DPP10: variants seen among roughly 807,000 people sequenced by gnomAD.
DPP10 encodes dipeptidyl peptidase like 10.
Under a neutral mutation model 120.9 loss-of-function variants are expected in DPP10, and 33 were observed. That is an observed-to-expected ratio of 0.27 (90% CI 0.21 to 0.37). The LOEUF is 0.37. Ranked by LOEUF, DPP10 falls within the 10% of genes least tolerant of loss-of-function variation. The pLI, the probability that DPP10 is intolerant of heterozygous loss-of-function variation, is 1.00. For synonymous variants in DPP10, 337 were observed against 326.1 expected, an observed-to-expected ratio of 1.03 and a Z score of -0.36; for missense variants, 816 against 942.8, an observed-to-expected ratio of 0.87 and a Z score of 1.76.
intron 1 of DPP10, among the ~76,000 whole-genome samples, chr2:114,668,691 G>A (rs893361762): frequency 1.3e-5 from 2 of 151,974 alleles, no homozygotes; most frequent in Non-Finnish European, 2.9e-5. Flanking sequence ...TGTTGATATG[G>A]GCAGAACTAA....
chr2:115,840,318 G>GTTTTTTTTTTTTTTTTTTTTTTT (rs1559227733), intron 24 of DPP10, among the ~76,000 whole-genome samples: 2 of 31,860 alleles, frequency 6.3e-5, no homozygotes, highest in African/African-American at 2.0e-4. Flanking sequence ...AAGGTTTTTT[G>GTTTTTTTTTTTTTTTTTTTTTTT]GTTTTTTTTT....
At chr2:114,786,915 G>C (rs1213668869) in intron 1 of DPP10, among the ~76,000 whole-genome samples, 1 of 152,040 alleles carries the variant, frequency 6.6e-6, no homozygotes, top group African/African-American at 2.4e-5. Context: ...GAACAATCCC[G>C]ACCCCTCCCC....
chr2:114,706,219 T>C (rs547171479), intron 1 of DPP10, among the ~76,000 whole-genome samples: 4 of 152,338 alleles, frequency 2.6e-5, no homozygotes, highest in South Asian at 4.1e-4. Context: ...TTTAGAATTA[T>C]ACAAGCCTGT....
intron 1 of DPP10, among the ~76,000 whole-genome samples, chr2:114,628,878 G>A (rs17048536): frequency 0.15 from 22,631 of 152,112 alleles, 2,834 homozygotes; most frequent in African/African-American, 0.34. Context: ...TTGACAAGAC[G>A]AACAGTGGAG....
intron 2 of DPP10, among the ~76,000 whole-genome samples, chr2:115,318,873 C>A (rs968219556): frequency 6.6e-6 from 1 of 152,038 alleles, no homozygotes; most frequent in Non-Finnish European, 1.5e-5. Context: ...GATAGTTTTA[C>A]TTCTTCATGT....
At chr2:115,721,890 A>G (rs1420214343) in intron 7 of DPP10, among the ~76,000 whole-genome samples, 1 of 152,234 alleles carries the variant, frequency 6.6e-6, no homozygotes, top group Non-Finnish European at 1.5e-5. Context: ...AATGTGCCAT[A>G]TACATGCAAT....
chr2:115,430,746 T>G (rs2070896825), intron 3 of DPP10, among the ~76,000 whole-genome samples: 1 of 152,192 alleles, frequency 6.6e-6, no homozygotes, highest in Admixed American at 6.6e-5. Flanking sequence ...GATGTTCTTT[T>G]CATATTTGAC....
At chr2:115,671,017 A>C (rs991827959) in intron 5 of DPP10, among the ~76,000 whole-genome samples, 27 of 152,120 alleles carry the variant, frequency 1.8e-4, no homozygotes, top group African/African-American at 6.5e-4. Context: ...TACAAACCTC[A>C]GTTGATTATT....
chr2:115,295,854 A>T (rs1365899211), intron 1 of DPP10, among the ~76,000 whole-genome samples: 2 of 152,098 alleles, frequency 1.3e-5, no homozygotes, highest in Non-Finnish European at 2.9e-5. Flanking sequence ...AAAAGTGATT[A>T]TACCTTCTAT....
At chr2:115,035,502 CG>C (rs918496627) in intron 1 of DPP10, among the ~76,000 whole-genome samples, 48 of 152,264 alleles carry the variant, frequency 3.2e-4, no homozygotes, top group Admixed American at 2.9e-3. Flanking sequence ...ATTTTCAGAA[CG>C]ATTCTTATAT....
intron 1 of DPP10, among the ~76,000 whole-genome samples, chr2:114,772,807 T>C (rs1476232071): frequency 6.6e-6 from 1 of 152,140 alleles, no homozygotes; most frequent in African/African-American, 2.4e-5. Flanking sequence ...TTGAGTTAGA[T>C]GCCAAGATTC....
intron 2 of DPP10, among the ~76,000 whole-genome samples, chr2:115,314,345 A>G (rs996222597): frequency 2.0e-5 from 3 of 152,180 alleles, no homozygotes; most frequent in African/African-American, 4.8e-5. Context: ...ATTATCTGTC[A>G]TGCTGACTAA....
intron 5 of DPP10, among the ~76,000 whole-genome samples, chr2:115,668,005 T>G (rs1195648463): frequency 1.3e-5 from 2 of 152,088 alleles, no homozygotes; most frequent in Non-Finnish European, 2.9e-5. Flanking sequence ...TATATAAGCT[T>G]AGTTCTATTG....
At chr2:114,633,875 A>G (rs1695127369) in intron 1 of DPP10, among the ~76,000 whole-genome samples, 1 of 151,812 alleles carries the variant, frequency 6.6e-6, no homozygotes, top group East Asian at 1.9e-4. Flanking sequence ...TTAGCCTCAC[A>G]AAGTGCTAGG....
At chr2:114,993,250 A>G (rs1364340955) in intron 1 of DPP10, among the ~76,000 whole-genome samples, 1 of 152,114 alleles carries the variant, frequency 6.6e-6, no homozygotes, top group East Asian at 1.9e-4. Context: ...GCAGTTTAGT[A>G]TTTAGTTGCG....
chr2:114,882,438 T>C lies in DPP10; in HGVS notation c.61-426801T>C, dbSNP rs1691721730. ...ACAAAGTAGTGTATATTCTCACTTA[T>C]AAGTGGGAGCTAAGCTATGGGGATG... On this transcript the variant is annotated intron_variant, in intron 1 of 25. Coordinates refer to ENST00000410059, the MANE Select transcript of DPP10 (RefSeq NM_020868.6). 2.6e-5 allele frequency among the ~76,000 whole-genome samples: 4 copies of C among 151,722 alleles called. No homozygotes were observed. In the South Asian group the frequency reaches 8.3e-4, roughly 31 times the overall value.
intron 1 of DPP10, among the ~76,000 whole-genome samples, chr2:115,136,679 G>A (rs2050669647): frequency 6.6e-6 from 1 of 151,874 alleles, no homozygotes; most frequent in South Asian, 2.1e-4. Context: ...CCATAAAGCA[G>A]ACATAATGAT....
chr2:114,813,231 C>A (rs1459566044), intron 1 of DPP10, among the ~76,000 whole-genome samples: 1 of 152,096 alleles, frequency 6.6e-6, no homozygotes, highest in African/African-American at 2.4e-5. Context: ...ATACAATTTA[C>A]TGCAAATAAT....
At chr2:115,657,372 T>C (rs888603014) in intron 5 of DPP10, among the ~76,000 whole-genome samples, 1 of 151,800 alleles carries the variant, frequency 6.6e-6, no homozygotes, top group African/African-American at 2.4e-5. Flanking sequence ...AATATTCATT[T>C]TAGTATGCGA....
Sources: allele counts gnomAD v4.1 joint callset (sites outside exome capture counted in the v4.1 genomes callset), GRCh38; gene constraint gnomAD v4.1.1; transcripts MANE v1.5; gene names NCBI Gene and HGNC (gene_info 2026-07-23, HGNC 2026-07-21).